Variants in NLGN1 observed in about 807,000 individuals in gnomAD.
The protein encoded by NLGN1 is neuroligin 1.
A neutral mutation model predicts 65.5 loss-of-function variants in NLGN1; 12 were observed. The observed-to-expected ratio is 0.18, with a 90% CI of 0.12 to 0.30. The LOEUF is 0.30. Among genes scored for constraint, NLGN1 ranks in the 10% least tolerant of loss-of-function variants. The pLI is 1.00. For missense variants in NLGN1, 750 were observed against 1,007.1 expected (o/e 0.74, Z 3.46); for synonymous variants, 350 against 359.5 (o/e 0.97, Z 0.30).
At chr3:174,208,157 T>A (rs1030121908) in intron 4 of NLGN1, among the ~76,000 whole-genome samples, 4 of 152,214 alleles carry the variant, frequency 2.6e-5, no homozygotes. Context: ...TCCAATTCTA[T>A]GCTTCCTGCG....
chr3:174,270,484 A>G (rs1020814053), intron 4 of NLGN1, among the ~76,000 whole-genome samples: 6 of 151,848 alleles, frequency 4.0e-5, no homozygotes, highest in African/African-American at 1.4e-4. Context: ...TAAATACATT[A>G]TATTTTAAAC....
At chr3:173,806,489 A>G (rs1195337209) in intron 3 of NLGN1, among the ~76,000 whole-genome samples, 1 of 152,152 alleles carries the variant, frequency 6.6e-6, no homozygotes, top group Non-Finnish European at 1.5e-5. Flanking sequence ...TAATATTGGC[A>G]TAAAAAAAGA....
chr3:174,222,778 C>T (rs1002355093), intron 4 of NLGN1, among the ~76,000 whole-genome samples: 5 of 152,108 alleles, frequency 3.3e-5, no homozygotes, highest in African/African-American at 9.7e-5. Context: ...ACACCACTGG[C>T]TCATTTATTT....
intron 3 of NLGN1, among the ~76,000 whole-genome samples, chr3:173,767,233 T>TTA (rs1160175643): frequency 6.6e-6 from 1 of 152,128 alleles, no homozygotes; most frequent in East Asian, 1.9e-4. Flanking sequence ...AAACAATGCT[T>TTA]TAAGTCTGAA....
chr3:173,539,606 A>G (rs1230145268), intron 2 of NLGN1, among the ~76,000 whole-genome samples: 2 of 98,144 alleles, frequency 2.0e-5, no homozygotes, highest in African/African-American at 3.7e-5. Flanking sequence ...TAATATATGT[A>G]TGTTATATAT....
intron 3 of NLGN1, among the ~76,000 whole-genome samples, chr3:173,788,966 G>A (rs1268353840): frequency 6.6e-6 from 1 of 151,902 alleles, no homozygotes; most frequent in Admixed American, 6.6e-5. Context: ...GGGAGGCTGA[G>A]GTAGGCAGAT....
chr3:173,893,773 T>C (rs966797436), intron 4 of NLGN1, among the ~76,000 whole-genome samples: 1 of 152,216 alleles, frequency 6.6e-6, no homozygotes, highest in Non-Finnish European at 1.5e-5. Context: ...CCCAGAAGCA[T>C]AAATACAATT....
intron 4 of NLGN1, among the ~76,000 whole-genome samples, chr3:173,896,162 T>G (rs1736319575): frequency 6.6e-6 from 1 of 152,176 alleles, no homozygotes; most frequent in South Asian, 2.1e-4. Context: ...TGGCCTCTAG[T>G]AGGAATACAC....
intron 4 of NLGN1, among the ~76,000 whole-genome samples, chr3:174,083,778 A>G (rs1042658823): frequency 2.0e-5 from 3 of 152,070 alleles, no homozygotes; most frequent in African/African-American, 4.8e-5. Context: ...TTTCCCTTAT[A>G]ACCACAGCAA....
chr3:173,426,941 G>A (rs1433302223), intron 1 of NLGN1, among the ~76,000 whole-genome samples: 1 of 152,018 alleles, frequency 6.6e-6, no homozygotes, highest in Non-Finnish European at 1.5e-5. Flanking sequence ...ACTTAGCAAT[G>A]AAATTATCTG....
At chr3:173,601,004 A>G (rs1301776656) in intron 2 of NLGN1, among the ~76,000 whole-genome samples, 1 of 151,910 alleles carries the variant, frequency 6.6e-6, no homozygotes, top group Admixed American at 6.6e-5. Context: ...ACCATTTATG[A>G]TGCACTTTTA....
intron 3 of NLGN1, among the ~76,000 whole-genome samples, chr3:173,676,331 A>G (rs1275009821): frequency 2.0e-5 from 3 of 152,116 alleles, no homozygotes; most frequent in Non-Finnish European, 4.4e-5. Context: ...GGAAATTGGA[A>G]CAAACAAAGC....
intron 4 of NLGN1, among the ~76,000 whole-genome samples, chr3:174,273,844 T>G (rs2152883617): frequency 6.6e-6 from 1 of 151,836 alleles, no homozygotes; most frequent in African/African-American, 2.4e-5. Context: ...TCAGGAGAAT[T>G]TGTCTTCATC....
chr3:174,006,685 A>T (rs758453252), intron 4 of NLGN1, among the ~76,000 whole-genome samples: 1 of 152,148 alleles, frequency 6.6e-6, no homozygotes, highest in South Asian at 2.1e-4. Flanking sequence ...TTCAGAATGT[A>T]TTTGGAGAGA....
chr3:174,259,106 T>C (rs867510544), intron 4 of NLGN1, among the ~76,000 whole-genome samples: 9 of 152,152 alleles, frequency 5.9e-5, no homozygotes, highest in African/African-American at 2.2e-4. Flanking sequence ...ACATTTATCC[T>C]CTCAAAAAAT....
chr3:173,926,143 A>C (rs1742960750), intron 4 of NLGN1, among the ~76,000 whole-genome samples: 1 of 151,982 alleles, frequency 6.6e-6, no homozygotes, highest in African/African-American at 2.4e-5. Flanking sequence ...ATACTTTTTT[A>C]TTAACTTTAA....
chr3:174,146,382 A>G lies in NLGN1; in HGVS notation c.647-128933A>G, dbSNP rs1235259037. 3.9e-5 allele frequency among the ~76,000 whole-genome samples: 6 copies of G among 152,132 alleles called. No individual in the cohort carries two copies. The South Asian group carries it at 6.2e-4, about 16-fold the overall frequency. On this transcript the variant is annotated intron_variant, in intron 4 of 6. Transcript: ENST00000457714. The stretch of plus-strand genomic sequence containing the variant: ...AATGAAAATAGCAATAGCACACACA[A>G]TATGATTTTTGTGAGGTTAAATAAG...
chr3:173,416,446 G>A lies in NLGN1; in HGVS notation c.-390+17959G>A, dbSNP rs180834165. On this transcript the variant is annotated intron_variant, in intron 1 of 6. Coordinates refer to ENST00000457714, the Ensembl canonical transcript of NLGN1. The stretch of plus-strand genomic sequence containing the variant: ...CCCTGAAGGGCCAAAGGAAAAACAG[G>A]CAACCAGGAGCAGCGTCTTCCCATG... Among the ~76,000 whole-genome samples, 222 of 152,296 alleles carry A rather than the reference G, an allele frequency of 1.5e-3. 1 individual carries two copies. The highest frequency in any genetic ancestry group is 5.2e-3 in the African/African-American group (215 of 41,592).
chr3:173,431,119 A>T (rs895104055), intron 1 of NLGN1, among the ~76,000 whole-genome samples: 1 of 152,136 alleles, frequency 6.6e-6, no homozygotes, highest in Admixed American at 6.6e-5. Context: ...TTTCATGCTA[A>T]AACTTTCCCT....
Sources: allele counts gnomAD v4.1 joint callset (sites outside exome capture counted in the v4.1 genomes callset), GRCh38; gene constraint gnomAD v4.1.1; transcripts MANE v1.5; gene names NCBI Gene and HGNC (gene_info 2026-07-23, HGNC 2026-07-21).